The following NPFF variants were observed in gnomAD, a reference collection of about 807,000 sequenced individuals.
NPFF encodes the protein neuropeptide FF-amide peptide precursor.
In NPFF, 14 loss-of-function variants were observed where a neutral mutation model predicts 12.9. The observed-to-expected ratio is 1.09, with a 90% CI of 0.72 to 1.70. NPFF has a LOEUF of 1.70. Ranked by LOEUF, NPFF falls within the 40% of genes most tolerant of loss-of-function variation. The probability of loss-of-function intolerance (pLI) is 0.00; values close to 1 mark genes in which losing one functional copy is unlikely to be tolerated. For missense variants in NPFF, 140 were observed against 135.7 expected (o/e 1.03, Z -0.16); for synonymous variants, 56 against 57.3 (o/e 0.98, Z 0.10).
Position 53,506,800 on chromosome 12 carries a change from G to T in NPFF, c.318C>A (p.Ala106=). ...GLNSQFWSLA[A]PQRFGKK ...GTCACTTCTTCCCAAAGCGTTGAGG[G>T]GCAGCCAGGCTCCAGAACTGGGAAT... The change falls in exon 3 of 3, where the codon GCC becomes GCA. Residue 106 remains alanine, a synonymous_variant. Coordinates refer to ENST00000267017, the MANE Select transcript of NPFF (RefSeq NM_003717.4). 1 of 1,583,002 alleles carries T rather than the reference G, an allele frequency of 6.3e-7. No homozygotes were observed. Among genetic ancestry groups the T allele is most frequent in the Non-Finnish European group, 8.6e-7 (1 of 1,164,584 alleles).
Position 53,507,082 on chromosome 12 carries a change from A to T in NPFF, c.163T>A (p.Tyr55Asn). Reference protein sequence around the residue: ...DAQTSGSLLHYLLQAMERPGR... With the variant: ...DAQTSGSLLHNLLQAMERPGR... ...GGTCTCTCCATTGCCTGGAGCAGGT[A>T]GTGCAACAGTGACCCAGAGGTCTGG... Residue 55 changes from tyrosine (Y) to asparagine (N), a missense_variant, in exon 2 of 3, where the codon TAC (tyrosine) becomes AAC (asparagine). Coordinates refer to ENST00000267017, the MANE Select transcript of NPFF (RefSeq NM_003717.4). The T allele has an allele frequency of 6.2e-7, 1 of 1,614,100 alleles. No homozygotes were observed. The highest frequency in any genetic ancestry group is 8.5e-7 in the Non-Finnish European group (1 of 1,180,018).
intron 1 of NPFF, 37 bp from the exon 2 acceptor site, chr12:53,507,179 A>G (rs1944027584): frequency 6.2e-7 from 1 of 1,608,690 alleles, no homozygotes; most frequent in East Asian, 2.2e-5. Flanking sequence ...AAGATGGGCA[A>G]ATACCCTGGA....
intron 2 of NPFF, 22 bp downstream of exon 2, chr12:53,506,999 C>T (rs760304419): frequency 6.2e-7 from 1 of 1,610,970 alleles, no homozygotes; most frequent in Non-Finnish European, 8.5e-7. Flanking sequence ...CCCTGCCATG[C>T]TTGTGTCCCT....
At position 53,507,432 on chromosome 12, in the gene NPFF, A is replaced by ACAG. The variant is rs1565905265; in HGVS notation, c.40_42dup (p.Leu15dup). ...CCTTCAGCACAGCCCCCGTCTATTAACAGCAGCAGCACCAGCAGTGCAGCA... is the reference window on the plus strand; with the variant it reads ...CCTTCAGCACAGCCCCCGTCTATTAACAGCAGCAGCAGCACCAGCAGTGCAGCA... On this transcript the variant is annotated inframe_insertion, in exon 1 of 3. Coordinates refer to ENST00000267017, the MANE Select transcript of NPFF (RefSeq NM_003717.4). The ACAG allele has an allele frequency of 1.9e-6, 3 of 1,613,866 alleles. No homozygotes were observed. The highest frequency in any genetic ancestry group is 2.5e-6 in the Non-Finnish European group (3 of 1,179,982).
Position 53,507,341 on chromosome 12 carries a change from AATGGTGAT to A in NPFF, c.102+24_102+31del, listed in dbSNP as rs759359915. On this transcript the variant is annotated intron_variant, in intron 1 of 2. Coordinates refer to ENST00000267017, the MANE Select transcript of NPFF (RefSeq NM_003717.4). ...CACAAGTCTCAACCGAAGTAGAGGC[AATGGTGAT>A]ATGGGGATGGGACACACACTCACCG... 35 of 1,613,528 alleles carry A rather than the reference AATGGTGAT, an allele frequency of 2.2e-5. No individual in the cohort carries two copies. In the African/African-American group the frequency reaches 3.3e-4, roughly 15 times the overall value.
chr12:53,506,815 G>C lies in NPFF; in HGVS notation c.303C>G (p.Phe101Leu). 6.3e-7 allele frequency: 1 copy of C among 1,597,238 alleles called. No individual in the cohort carries two copies. Among genetic ancestry groups the C allele is most frequent in the Non-Finnish European group, 8.5e-7 (1 of 1,171,988 alleles). ...PRAGEGLNSQ[F>L]WSLAAPQRFG... is the part of the protein sequence containing the mutation. The stretch of plus-strand genomic sequence containing the variant: ...AGCGTTGAGGGGCAGCCAGGCTCCA[G>C]AACTGGGAATTCAGCCCCTCTCCAG... The change falls in exon 3 of 3, where the codon TTC (phenylalanine) becomes TTG (leucine). Residue 101 changes from phenylalanine (F) to leucine (L), a missense_variant. Phe to Leu is a conservative substitution (Grantham distance 22, BLOSUM62 0). Transcript: ENST00000267017.
chr12:53,506,922 G>A (rs544560201), intron 2 of NPFF, 29 bp from the exon 3 acceptor site: 103 of 1,576,144 alleles, frequency 6.5e-5, no homozygotes, highest in Non-Finnish European at 8.4e-5. Flanking sequence ...TCAGGTCCCC[G>A]CAGTCTCCCT....
chr12:53,507,137 T>C lies in NPFF; in HGVS notation c.108A>G (p.Glu36=), dbSNP rs1944025596. 1 of 1,613,814 alleles carries C rather than the reference T, an allele frequency of 6.2e-7. No individual in the cohort carries two copies. The highest frequency in any genetic ancestry group is 8.5e-7 in the Non-Finnish European group (1 of 1,179,888). Reference sequence around the variant, plus strand: ...CCTGTGGTGGGAGGGGTTCGCTGTCTTCCTCCTGTGCCAAGGGGGTATCAG... The same window carrying C: ...CCTGTGGTGGGAGGGGTTCGCTGTCCTCCTCCTGTGCCAAGGGGGTATCAG... The part of the protein sequence containing the change: ...GQQEDQLSAE[E]DSEPLPPQDA... Residue 36 remains glutamate (E), a synonymous_variant, in exon 2 of 3, where the codon GAA becomes GAG. Transcript: ENST00000267017.
rs769449928 is a variant in NPFF at position 53,507,355 on chromosome 12, G to C, written c.102+18C>G. ...GAAGTAGAGGCAATGGTGATATGGGGATGGGACACACACTCACCGCGGAGA... is the reference window on the plus strand; with the variant it reads ...GAAGTAGAGGCAATGGTGATATGGGCATGGGACACACACTCACCGCGGAGA... On this transcript the variant is annotated intron_variant, in intron 1 of 2. Coordinates refer to ENST00000267017, the MANE Select transcript of NPFF (RefSeq NM_003717.4). The C allele has an allele frequency of 1.2e-6, 2 of 1,614,032 alleles. No homozygotes were observed. Among genetic ancestry groups the C allele is most frequent in the Middle Eastern group, 1.6e-4 (1 of 6,062 alleles).
intron 1 of NPFF, 31 bp from the exon 2 acceptor site, chr12:53,507,173 T>TGGG (rs1029979884): frequency 6.2e-7 from 1 of 1,610,758 alleles, no homozygotes; most frequent in Admixed American, 1.7e-5. Context: ...GGAAGGAAGA[T>TGGG]GGGCAAATAC....
rs528954416 is a variant in NPFF at position 53,507,246 on chromosome 12, G to A, written c.103-104C>T. 1.5e-5 allele frequency: 24 copies of A among 1,583,172 alleles called. No individual in the cohort carries two copies. In the East Asian group the frequency reaches 2.2e-4, roughly 15 times the overall value. On this transcript the variant is annotated intron_variant, in intron 1 of 2. Coordinates refer to ENST00000267017, the MANE Select transcript of NPFF (RefSeq NM_003717.4). ...CCAGGGGCAAGTGGTAGGAGGCTGC[G>A]GAACCATTTCCTCAGATGTGAGGAC...
At chr12:53,506,955 T>C in intron 2 of NPFF, 62 bp from the exon 3 acceptor site, 1 of 1,588,968 alleles carries the variant, frequency 6.3e-7, no homozygotes, top group Non-Finnish European at 8.6e-7. Context: ...TTCCTTCTCC[T>C]CTTCCTCTGC....
chr12:53,506,784 T>A lies in NPFF; in HGVS notation c.334A>T (p.Lys112Ter), dbSNP rs554032265. 2 of 1,556,180 alleles carry A rather than the reference T, an allele frequency of 1.3e-6. No individual in the cohort carries two copies. Among genetic ancestry groups the A allele is most frequent in the Non-Finnish European group, 1.7e-6 (2 of 1,152,388 alleles). Residue 112 changes from lysine to a stop codon, truncating the protein, a stop_gained, in exon 3 of 3, where the codon AAG (lysine) becomes TAG (stop). Transcript: ENST00000267017. LOFTEE classifies it high-confidence loss of function. Reference protein sequence around the residue: ...WSLAAPQRFGKK With the variant: ...WSLAAPQRFG ...TATCAAGGGATGACATGTCACTTCT[T>A]CCCAAAGCGTTGAGGGGCAGCCAGG...
Position 53,506,874 on chromosome 12 carries a change from C to T in NPFF, c.244G>A (p.Gly82Arg). Reference sequence around the variant, plus strand: ...CTCAGCCATTCATTCCTCCAGGATCCCTGGGTATTTCTGCCAAACCTTAGG... The same window carrying T: ...CTCAGCCATTCATTCCTCCAGGATCTCTGGGTATTTCTGCCAAACCTTAGG... ...QPQRFGRNTQGSWRNEWLSPR... is the reference protein window; with the variant it reads ...QPQRFGRNTQRSWRNEWLSPR... Residue 82 changes from glycine to arginine, a missense_variant, in exon 3 of 3, where the codon GGA becomes AGA. By Grantham distance (125) the Gly-to-Arg change is moderately radical. Coordinates refer to ENST00000267017, the MANE Select transcript of NPFF (RefSeq NM_003717.4). The T allele has an allele frequency of 6.3e-7, 1 of 1,599,290 alleles. No homozygotes were observed. Among genetic ancestry groups the T allele is most frequent in the Non-Finnish European group, 8.5e-7 (1 of 1,172,248 alleles).
chr12:53,507,271 C>A (rs766557981), intron 1 of NPFF, 102 bp downstream of exon 1: 1 of 1,593,444 alleles, frequency 6.3e-7, no homozygotes, highest in South Asian at 1.1e-5. Flanking sequence ...GATGTGAGGA[C>A]CTAATGACAA....
In NPFF at chr12:53,506,869, G is replaced by T. The variant is rs375526746; in HGVS notation, c.249C>A (p.Ser83=). ...PQRFGRNTQG[S]WRNEWLSPRA... is the part of the protein sequence containing the mutation. Reference sequence around the variant, plus strand: ...GGGGACTCAGCCATTCATTCCTCCAGGATCCCTGGGTATTTCTGCCAAACC... The same window carrying T: ...GGGGACTCAGCCATTCATTCCTCCATGATCCCTGGGTATTTCTGCCAAACC... The change falls in exon 3 of 3, where the codon TCC becomes TCA. Residue 83 remains serine, a synonymous_variant. Transcript: ENST00000267017. 8.1e-6 allele frequency: 13 copies of T among 1,600,612 alleles called. No homozygotes were observed. Among genetic ancestry groups the T allele is most frequent in the Non-Finnish European group, 1.1e-5 (13 of 1,173,096 alleles).
chr12:53,507,005 T>C lies in NPFF; in HGVS notation c.224+16A>G. 6.2e-7 allele frequency: 1 copy of C among 1,611,126 alleles called. No homozygotes were observed. The highest frequency in any genetic ancestry group is 2.2e-5 in the East Asian group (1 of 44,742). On this transcript the variant is annotated intron_variant, in intron 2 of 2. Transcript: ENST00000267017. ...ACCCCCAGCCCCTGCCATGCTTGTG[T>C]CCCTTTCAGACTCACCTCTGGGGCT...
chr12:53,506,843 CG>C lies in NPFF; in HGVS notation c.274del (p.Arg92GlyfsTer6). On this transcript the variant is annotated frameshift_variant, in exon 3 of 3. Coordinates refer to ENST00000267017, the MANE Select transcript of NPFF (RefSeq NM_003717.4). LOFTEE classifies it high-confidence loss of function. The part of the protein sequence containing the change: ...GSWRNEWLSP[R>X]AGEGLNSQFW... The stretch of plus-strand genomic sequence containing the variant: ...CTGGGAATTCAGCCCCTCTCCAGCC[CG>C]GGGACTCAGCCATTCATTCCTCCAG... 2 of 1,604,494 alleles carry C rather than the reference CG, an allele frequency of 1.2e-6. No individual in the cohort carries two copies. Among genetic ancestry groups the C allele is most frequent in the Non-Finnish European group, 8.5e-7 (1 of 1,175,380 alleles).
In NPFF at chr12:53,507,145, G is replaced by T; in HGVS notation, c.103-3C>A. 6.2e-7 allele frequency: 1 copy of T among 1,613,554 alleles called. No homozygotes were observed. Among genetic ancestry groups the T allele is most frequent in the Non-Finnish European group, 8.5e-7 (1 of 1,179,746 alleles). On this transcript the variant is annotated splice_region_variant and splice_polypyrimidine_tract_variant and intron_variant, in intron 1 of 2. Coordinates refer to ENST00000267017, the MANE Select transcript of NPFF (RefSeq NM_003717.4). ...GGGAGGGGTTCGCTGTCTTCCTCCT[G>T]TGCCAAGGGGGTATCAGGGAAGGAA...
Sources: allele counts gnomAD v4.1 joint callset, GRCh38; gene constraint gnomAD v4.1.1; transcripts MANE v1.5; gene names NCBI Gene and HGNC (gene_info 2026-07-23, HGNC 2026-07-21).